Variants in LUC7L3 observed in about 807,000 individuals in gnomAD.
The protein encoded by LUC7L3 is LUC7 like 3 pre-mRNA splicing factor, also known as luc7-like protein 3.
LUC7L3 carries 6 observed loss-of-function variants against 66.8 expected under a neutral mutation model. The ratio of observed to expected loss-of-function variants is 0.09; its 90% CI spans 0.05 to 0.18. LUC7L3 has a LOEUF of 0.18. Among genes scored for constraint, LUC7L3 ranks in the 10% least tolerant of loss-of-function variants. The pLI is 1.00. For missense variants in LUC7L3, 341 were observed against 531.1 expected (o/e 0.64, Z 3.52); for synonymous variants, 160 against 174.7 (o/e 0.92, Z 0.66).
chr17:50,747,110 A>C (rs943517261), intron 9 of LUC7L3, among the ~76,000 whole-genome samples: 9 of 151,924 alleles, frequency 5.9e-5, no homozygotes, highest in African/African-American at 2.2e-4. Flanking sequence ...CATTTGTAGC[A>C]TTCATTTAAG....
chr17:50,740,760 A>G (rs140342664), intron 3 of LUC7L3, among the ~76,000 whole-genome samples: 7 of 152,256 alleles, frequency 4.6e-5, no homozygotes, highest in African/African-American at 1.4e-4. Context: ...GGGTTTCACC[A>G]TGTTGGCCAG....
chr17:50,744,851 C>A, intron 7 of LUC7L3, 38 bp downstream of exon 7: 1 of 1,574,836 alleles, frequency 6.3e-7, no homozygotes, highest in South Asian at 1.1e-5. Flanking sequence ...GATTCTTGCT[C>A]TGTCACCTAG....
At chr17:50,719,898 C>T in intron 1 of LUC7L3, 67 bp downstream of exon 1, 1 of 1,439,892 alleles carries the variant, frequency 6.9e-7, no homozygotes, top group Non-Finnish European at 9.4e-7. Context: ...CGGGCTGTGG[C>T]CCTCCTGGCC....
chr17:50,741,813 G>T, intron 5 of LUC7L3, 82 bp downstream of exon 5: 2 of 1,062,636 alleles, frequency 1.9e-6, no homozygotes, highest in East Asian at 2.5e-5. Flanking sequence ...GGCCAGGCAT[G>T]GTAACTCATG....
chr17:50,731,826 T>C (rs1969622421), intron 1 of LUC7L3, among the ~76,000 whole-genome samples: 2 of 152,228 alleles, frequency 1.3e-5, no homozygotes, highest in African/African-American at 2.4e-5. Context: ...CAGACAGGCA[T>C]GTGTTATTTG....
At chr17:50,747,722 A>G (rs1970767631) in intron 9 of LUC7L3, among the ~76,000 whole-genome samples, 1 of 152,102 alleles carries the variant, frequency 6.6e-6, no homozygotes, top group Non-Finnish European at 1.5e-5. Context: ...CCATGGACAT[A>G]TTTTTTGGTC....
At chr17:50,725,997 G>GC (rs1250435188) in intron 1 of LUC7L3, among the ~76,000 whole-genome samples, 1 of 152,172 alleles carries the variant, frequency 6.6e-6, no homozygotes, top group Non-Finnish European at 1.5e-5. Flanking sequence ...ATTACAGTGA[G>GC]CTCAAGTGTT....
At chr17:50,721,449 C>T (rs760539310) in intron 1 of LUC7L3, among the ~76,000 whole-genome samples, 1 of 152,150 alleles carries the variant, frequency 6.6e-6, no homozygotes, top group African/African-American at 2.4e-5. Flanking sequence ...TCATCTCAGC[C>T]GTAATCTGCT....
At chr17:50,730,154 T>A (rs537803602) in intron 1 of LUC7L3, among the ~76,000 whole-genome samples, 9 of 151,448 alleles carry the variant, frequency 5.9e-5, no homozygotes, top group Admixed American at 2.6e-4. Flanking sequence ...TTTGTATTGG[T>A]GGAGATGGGG....
At chr17:50,744,025 A>G (rs1460719653) in intron 6 of LUC7L3, among the ~76,000 whole-genome samples, 1 of 152,262 alleles carries the variant, frequency 6.6e-6, no homozygotes, top group Non-Finnish European at 1.5e-5. Context: ...TTGTATCCCA[A>G]TAAAATGTTA....
intron 9 of LUC7L3, among the ~76,000 whole-genome samples, chr17:50,750,148 C>A (rs1029257345): frequency 1.1e-4 from 16 of 152,078 alleles, no homozygotes; most frequent in Admixed American, 9.2e-4. Flanking sequence ...ATAATTGAAC[C>A]TCATGTGAAC....
chr17:50,725,564 A>G (rs1425230761), intron 1 of LUC7L3, among the ~76,000 whole-genome samples: 1 of 152,208 alleles, frequency 6.6e-6, no homozygotes, highest in Non-Finnish European at 1.5e-5. Context: ...ACGCATTTCC[A>G]TAACAGAATA....
At chr17:50,720,143 C>T (rs1027067696) in intron 1 of LUC7L3, among the ~76,000 whole-genome samples, 10 of 152,230 alleles carry the variant, frequency 6.6e-5, no homozygotes, top group Non-Finnish European at 1.0e-4. Flanking sequence ...TCCGAGGTTT[C>T]ACCTCATTAT....
chr17:50,719,954 C>T (rs1331110656), intron 1 of LUC7L3, 123 bp downstream of exon 1: 2 of 831,892 alleles, frequency 2.4e-6, no homozygotes, highest in Non-Finnish European at 3.6e-6. Context: ...AGCGTCTGAC[C>T]CGGTGCCCAT....
chr17:50,728,806 G>A (rs967263391), intron 1 of LUC7L3, among the ~76,000 whole-genome samples: 6 of 152,122 alleles, frequency 3.9e-5, no homozygotes, highest in South Asian at 2.1e-4. Flanking sequence ...TGCCTGCCTC[G>A]GCCTCCCAAA....
chr17:50,755,271 A>G lies in LUC7L3; in HGVS notation c.*4610A>G, dbSNP rs1204491725. 6.6e-6 allele frequency: 1 copy of G among 152,122 alleles called. No individual in the cohort carries two copies. The highest frequency in any genetic ancestry group is 6.5e-5 in the Admixed American group (1 of 15,278). The allele number at this position is 152,122 out of a possible 1,614,324, so 9.4% of individuals were successfully genotyped here. A position where few individuals can be genotyped will look rare whatever the true frequency, so the allele number is the denominator to read the frequency against. ...TCTGCAGGAGCTTGCTGCTGTTAAC[A>G]GTTATTCTTCCAAGTTGTTTTCTTT... On this transcript the variant is annotated 3_prime_UTR_variant, in exon 10 of 10. Transcript: ENST00000505658.
intron 1 of LUC7L3, chr17:50,724,221 C>A: frequency 5.4e-6 from 1 of 186,380 alleles, no homozygotes; most frequent in Non-Finnish European, 1.1e-5. Flanking sequence ...AATACAAGGA[C>A]TTTAAAAAAA....
chr17:50,747,875 C>CT (rs1970775419), intron 9 of LUC7L3, among the ~76,000 whole-genome samples: 1 of 152,166 alleles, frequency 6.6e-6, no homozygotes, highest in Non-Finnish European at 1.5e-5. Context: ...AAGTTGAGAA[C>CT]TTGCTTCTGA....
Position 50,752,032 on chromosome 17 carries a change from GGCACA to G in LUC7L3, c.*1372_*1376del. On this transcript the variant is annotated 3_prime_UTR_variant, in exon 10 of 10. Transcript: ENST00000505658. ...ATTCACACTTAGGCAAGCATACACA[GGCACA>G]TGGCTTTAAGAACCACACTGATGCC... 2 of 1,121,812 alleles carry G rather than the reference GGCACA, an allele frequency of 1.8e-6. No individual in the cohort carries two copies. The highest frequency in any genetic ancestry group is 2.2e-6 in the Non-Finnish European group (2 of 907,538). 69.5% of individuals were successfully genotyped at this position (1,121,812 alleles called of 1,614,324 possible). A position where few individuals can be genotyped will look rare whatever the true frequency, so the allele number is the denominator to read the frequency against.
Sources: gnomAD v4.1 joint callset for allele counts (sites outside exome capture counted in the v4.1 genomes callset) on GRCh38, gnomAD v4.1.1 for gene constraint, MANE v1.5 for transcripts, NCBI Gene and HGNC (gene_info 2026-07-23, HGNC 2026-07-21) for gene names.